CTNND2: variants seen among roughly 807,000 people sequenced by gnomAD.
CTNND2 encodes catenin delta-2.
In CTNND2, 22 loss-of-function variants were observed where a neutral mutation model predicts 144.4. The ratio of observed to expected loss-of-function variants is 0.15; its 90% CI spans 0.11 to 0.22. The LOEUF is 0.22. Ranked by LOEUF, CTNND2 falls within the 10% of genes least tolerant of loss-of-function variation. CTNND2 has a pLI of 1.00. For missense variants in CTNND2, 1,353 were observed against 1,618.8 expected (o/e 0.84, Z 2.82); for synonymous variants, 751 against 695.6 (o/e 1.08, Z -1.25).
At chr5:11,541,064 C>T (rs1037913923) in intron 3 of CTNND2, among the ~76,000 whole-genome samples, 6 of 152,172 alleles carry the variant, frequency 3.9e-5, no homozygotes, top group African/African-American at 1.4e-4. Flanking sequence ...CCGGGATGCA[C>T]AGGCAATGGA....
At position 11,523,418 on chromosome 5, in the gene CTNND2, T is replaced by C. The variant is rs182121613; in HGVS notation, c.287+41526A>G. 2.4e-3 allele frequency among the ~76,000 whole-genome samples: 365 copies of C among 152,286 alleles called. 2 individuals are homozygous for C. The highest frequency in any genetic ancestry group is 8.4e-3 in the African/African-American group (348 of 41,558). On this transcript the variant is annotated intron_variant, in intron 3 of 21. Transcript: ENST00000304623. The stretch of plus-strand genomic sequence containing the variant: ...GGCACACTTGCGTAACCATCGAGTC[T>C]CTCAACAATGAATGATCCTAAATTC...
chr5:11,254,589 A>G (rs1744025780), intron 9 of CTNND2, among the ~76,000 whole-genome samples: 1 of 152,204 alleles, frequency 6.6e-6, no homozygotes, highest in South Asian at 2.1e-4. Flanking sequence ...CTACTAGGTC[A>G]GAGGAAATGC....
rs578147875 is a variant in CTNND2 at position 11,454,821 on chromosome 5, C to T, written c.288-42752G>A. ...TTCACTATGTTGCCCAGGCTGGTCT[C>T]GAATTCCTGAGCTCAGGCAATCCGC... On this transcript the variant is annotated intron_variant, in intron 3 of 21. Coordinates refer to ENST00000304623, the MANE Select transcript of CTNND2 (RefSeq NM_001332.4). Among the ~76,000 whole-genome samples, 4 of 151,662 alleles carry T rather than the reference C, an allele frequency of 2.6e-5. 1 individual carries two copies. Among genetic ancestry groups the T allele is most frequent in the South Asian group, 4.2e-4 (2 of 4,796 alleles).
At chr5:11,549,160 C>G (rs1003186074) in intron 3 of CTNND2, among the ~76,000 whole-genome samples, 6 of 152,120 alleles carry the variant, frequency 3.9e-5, no homozygotes, top group Non-Finnish European at 7.3e-5. Context: ...GTATTTTTAA[C>G]CAGCACAAGG....
chr5:11,656,686 T>C lies in CTNND2; in HGVS notation c.174+75450A>G, dbSNP rs1782934071. Among the ~76,000 whole-genome samples, 3 of 152,238 alleles carry C rather than the reference T, an allele frequency of 2.0e-5. No homozygotes were observed. In the South Asian group the frequency reaches 6.2e-4, roughly 32 times the overall value. On this transcript the variant is annotated intron_variant, in intron 2 of 21. Coordinates refer to ENST00000304623, the MANE Select transcript of CTNND2 (RefSeq NM_001332.4). ...CTCTCTTATCGCAGGTGAGTGTTAA[T>C]GCAGAGCCACAAAAGATGCACAACT...
At chr5:11,299,534 C>T (rs1466435616) in intron 9 of CTNND2, among the ~76,000 whole-genome samples, 1 of 152,194 alleles carries the variant, frequency 6.6e-6, no homozygotes, top group Non-Finnish European at 1.5e-5. Flanking sequence ...CCACCTCTCA[C>T]AGGCCCTCTG....
intron 1 of CTNND2, among the ~76,000 whole-genome samples, chr5:11,792,824 C>T (rs906607562): frequency 2.6e-5 from 4 of 152,210 alleles, no homozygotes; most frequent in African/African-American, 4.8e-5. Flanking sequence ...TCTTTCCCTA[C>T]GGAAGGCTTC....
intron 2 of CTNND2, among the ~76,000 whole-genome samples, chr5:11,725,127 A>T (rs542223566): frequency 1.4e-3 from 206 of 152,308 alleles, no homozygotes; most frequent in African/African-American, 4.7e-3. Context: ...TTATGATTGC[A>T]GCCCAGTGAC....
chr5:11,399,750 C>G (rs1007486221), intron 5 of CTNND2, among the ~76,000 whole-genome samples: 1 of 152,198 alleles, frequency 6.6e-6, no homozygotes, highest in African/African-American at 2.4e-5. Flanking sequence ...GCACTGAAAA[C>G]TAGATGTACT....
At chr5:11,404,210 T>C (rs1344273462) in intron 5 of CTNND2, among the ~76,000 whole-genome samples, 1 of 152,156 alleles carries the variant, frequency 6.6e-6, no homozygotes, top group Non-Finnish European at 1.5e-5. Flanking sequence ...TATCTCTTAG[T>C]ATTATTATGA....
At chr5:11,403,971 T>C (rs951432539) in intron 5 of CTNND2, among the ~76,000 whole-genome samples, 17 of 152,156 alleles carry the variant, frequency 1.1e-4, no homozygotes, top group Non-Finnish European at 2.1e-4. Context: ...TCATTCTTTA[T>C]TCTAGTGGTT....
At chr5:11,878,670 T>C (rs866431663) in intron 1 of CTNND2, among the ~76,000 whole-genome samples, 13 of 152,194 alleles carry the variant, frequency 8.5e-5, no homozygotes, top group South Asian at 4.1e-4. Flanking sequence ...TGTCTACACC[T>C]TTTCAGGTTA....
At chr5:11,374,335 G>A (rs2149785564) in intron 7 of CTNND2, among the ~76,000 whole-genome samples, 1 of 152,292 alleles carries the variant, frequency 6.6e-6, no homozygotes, top group Non-Finnish European at 1.5e-5. Context: ...CTTTTGACAT[G>A]AGCATGTAAA....
In CTNND2 at chr5:11,510,972, G is replaced by T. The variant is rs947778750; in HGVS notation, c.287+53972C>A. Among the ~76,000 whole-genome samples the T allele has an allele frequency of 9.2e-5, 14 of 151,990 alleles. No individual in the cohort carries two copies. In the East Asian group the frequency reaches 2.5e-3, roughly 27 times the overall value. On this transcript the variant is annotated intron_variant, in intron 3 of 21. Coordinates refer to ENST00000304623, the MANE Select transcript of CTNND2 (RefSeq NM_001332.4). ...CATTTGAATAGAAATTATTTCTCTAGCTTTCATCACCATATCCTGAAAGAG... is the reference window on the plus strand; with the variant it reads ...CATTTGAATAGAAATTATTTCTCTATCTTTCATCACCATATCCTGAAAGAG...
At chr5:11,458,278 G>A (rs139003709) in intron 3 of CTNND2, among the ~76,000 whole-genome samples, 1 of 152,244 alleles carries the variant, frequency 6.6e-6, no homozygotes, top group East Asian at 1.9e-4. Context: ...GAACATGCTG[G>A]GCAACTTCCA....
intron 8 of CTNND2, among the ~76,000 whole-genome samples, chr5:11,352,683 C>T (rs1755447510): frequency 6.6e-6 from 1 of 152,054 alleles, no homozygotes; most frequent in Non-Finnish European, 1.5e-5. Flanking sequence ...AGATAGATTT[C>T]TATGTAAGTA....
chr5:11,750,607 A>T (rs1344570392), intron 1 of CTNND2, among the ~76,000 whole-genome samples: 1 of 151,882 alleles, frequency 6.6e-6, no homozygotes, highest in East Asian at 1.9e-4. Context: ...CAAAGGGTTC[A>T]GCTTTAATTA....
At chr5:11,753,396 T>C (rs1424097716) in intron 1 of CTNND2, among the ~76,000 whole-genome samples, 1 of 151,894 alleles carries the variant, frequency 6.6e-6, no homozygotes, top group Non-Finnish European at 1.5e-5. Flanking sequence ...AATATTTAAT[T>C]TTATTAAAAG....
intron 10 of CTNND2, among the ~76,000 whole-genome samples, chr5:11,200,778 A>G (rs1232885258): frequency 1.3e-5 from 2 of 152,138 alleles, no homozygotes; most frequent in Non-Finnish European, 2.9e-5. Context: ...TCCCGGGTTC[A>G]CGCCATTCTC....
Sources: gnomAD v4.1 joint callset for allele counts (sites outside exome capture counted in the v4.1 genomes callset) on GRCh38, gnomAD v4.1.1 for gene constraint, MANE v1.5 for transcripts, NCBI Gene and HGNC (gene_info 2026-07-23, HGNC 2026-07-21) for gene names.